Variants in MAP2K2 observed in about 807,000 individuals in gnomAD.
The protein encoded by MAP2K2 is dual specificity mitogen-activated protein kinase kinase 2.
In MAP2K2, 24 loss-of-function variants were observed where a neutral mutation model predicts 43.7. That is an observed-to-expected ratio of 0.55 (90% CI 0.40 to 0.77). MAP2K2 has a LOEUF of 0.77. Among genes scored for constraint, MAP2K2 ranks in the 30% least tolerant of loss-of-function variants. MAP2K2 has a pLI of 0.00. For missense variants in MAP2K2, 470 were observed against 566.8 expected (o/e 0.83, Z 1.73); for synonymous variants, 244 against 239.7 (o/e 1.02, Z -0.17).
chr19:4,106,475 C>T (rs942294207), intron 3 of MAP2K2, among the ~76,000 whole-genome samples: 2 of 152,320 alleles, frequency 1.3e-5, no homozygotes, highest in African/African-American at 4.8e-5. Context: ...GTGGCATGAT[C>T]TCGGCTCACT....
At chr19:4,093,560 G>A (rs554833526) in intron 10 of MAP2K2, among the ~76,000 whole-genome samples, 9 of 151,908 alleles carry the variant, frequency 5.9e-5, no homozygotes, top group South Asian at 2.1e-4. Context: ...GTGTGGTGGC[G>A]GGTGCCTGTA....
intron 8 of MAP2K2, among the ~76,000 whole-genome samples, chr19:4,096,545 G>C (rs978276757): frequency 2.0e-5 from 3 of 152,186 alleles, no homozygotes; most frequent in African/African-American, 4.8e-5. Flanking sequence ...TACTCATCTG[G>C]GCGGTGGAAA....
chr19:4,100,342 A>C (rs906734835), intron 6 of MAP2K2: 2 of 146,010 alleles, frequency 1.4e-5, no homozygotes, highest in Non-Finnish European at 3.0e-5. Flanking sequence ...AGGCAGGAGA[A>C]TTGCTCCCGG....
At chr19:4,095,805 C>T (rs949709773) in intron 8 of MAP2K2, among the ~76,000 whole-genome samples, 5 of 152,318 alleles carry the variant, frequency 3.3e-5, no homozygotes, top group African/African-American at 9.6e-5. Flanking sequence ...GAGACAGTCT[C>T]GCTCTGTTGC....
chr19:4,120,776 C>A (rs188265246), intron 1 of MAP2K2, among the ~76,000 whole-genome samples: 6 of 152,178 alleles, frequency 3.9e-5, no homozygotes, highest in Non-Finnish European at 7.3e-5. Flanking sequence ...GTCCCTACAG[C>A]CAGCTTCCTC....
chr19:4,123,025 C>T (rs769405841), intron 1 of MAP2K2, among the ~76,000 whole-genome samples: 5 of 150,338 alleles, frequency 3.3e-5, no homozygotes, highest in Non-Finnish European at 7.4e-5. Flanking sequence ...ATCCTCTCCT[C>T]TCAGGAATGC....
chr19:4,123,455 C>G (rs1044730505), intron 1 of MAP2K2, among the ~76,000 whole-genome samples: 1 of 152,038 alleles, frequency 6.6e-6, no homozygotes, highest in Non-Finnish European at 1.5e-5. Context: ...TTCAGGAACC[C>G]CACACCCCAT....
chr19:4,118,686 G>C (rs551608796), intron 1 of MAP2K2, among the ~76,000 whole-genome samples: 1 of 152,208 alleles, frequency 6.6e-6, no homozygotes, highest in Non-Finnish European at 1.5e-5. Flanking sequence ...TGTAGTTCTA[G>C]TTACTCAGGA....
Position 4,099,423 on chromosome 19 carries a change from G to A in MAP2K2, c.706-9C>T, listed in dbSNP as rs1448863495. 5.7e-6 allele frequency: 9 copies of A among 1,590,848 alleles called. No individual in the cohort carries two copies. Among genetic ancestry groups the A allele is most frequent in the Non-Finnish European group, 7.7e-6 (9 of 1,168,700 alleles). ...CCCTGCAACCGCTCCGGCTGCAGCA[G>A]AGCCAGGGAGGAAAGAGCCCAGAGG... On this transcript the variant is annotated splice_polypyrimidine_tract_variant and intron_variant, in intron 6 of 10. Coordinates refer to ENST00000262948, the MANE Select transcript of MAP2K2 (RefSeq NM_030662.4).
At position 4,099,076 on chromosome 19, in the gene MAP2K2, CG is replaced by C. The variant is rs2040961352; in HGVS notation, c.919+124del. 5.0e-6 allele frequency: 4 copies of C among 804,632 alleles called. No individual in the cohort carries two copies. In the Admixed American group the frequency reaches 9.1e-5, roughly 18 times the overall value. The allele number at this position is 804,632 out of a possible 1,614,324, so 49.8% of individuals were successfully genotyped here. ...CCATGGGAGGACTGCTGACCACAGTCGGCACCATCCAGGGGGACAGGTGGTG... is the reference window on the plus strand; with the variant it reads ...CCATGGGAGGACTGCTGACCACAGTCGCACCATCCAGGGGGACAGGTGGTG... On this transcript the variant is annotated intron_variant, in intron 7 of 10. Transcript: ENST00000262948.
At chr19:4,121,242 G>GCC (rs1415022502) in intron 1 of MAP2K2, among the ~76,000 whole-genome samples, 2 of 151,722 alleles carry the variant, frequency 1.3e-5, no homozygotes, top group African/African-American at 4.9e-5. Flanking sequence ...GCCTCTGGTC[G>GCC]CCCTCCACCT....
At chr19:4,096,214 G>A (rs350914) in intron 8 of MAP2K2, among the ~76,000 whole-genome samples, 49,315 of 152,152 alleles carry the variant, frequency 0.32, 9,880 homozygotes, top group East Asian at 0.65. Flanking sequence ...GGGAAGAGGC[G>A]GGGGAGAGGT....
chr19:4,097,359 G>A lies in MAP2K2; in HGVS notation c.920-16C>T, dbSNP rs573053900. On this transcript the variant is annotated splice_polypyrimidine_tract_variant and intron_variant, in intron 7 of 10. Coordinates refer to ENST00000262948, the MANE Select transcript of MAP2K2 (RefSeq NM_030662.4). ...ATCCCGTGACCTGCACAGGGAGAGA[G>A]ATGGAGGTGAGATGGGCCGATGGCC... is the stretch of plus-strand genomic sequence containing the variant. 6.2e-7 allele frequency: 1 copy of A among 1,608,476 alleles called. No homozygotes were observed. Among genetic ancestry groups the A allele is most frequent in the East Asian group, 2.2e-5 (1 of 44,852 alleles).
intron 9 of MAP2K2, chr19:4,094,957 T>C: frequency 2.8e-6 from 1 of 352,544 alleles, no homozygotes. Context: ...CCCCGTGGTC[T>C]GCGGCACATG....
intron 3 of MAP2K2, among the ~76,000 whole-genome samples, chr19:4,106,016 G>A (rs2041081740): frequency 6.6e-6 from 1 of 152,200 alleles, no homozygotes; most frequent in Admixed American, 6.5e-5. Flanking sequence ...TGCCCAGGCT[G>A]TAGAGCAGTG....
chr19:4,109,779 T>C lies in MAP2K2; in HGVS notation c.450+730A>G, dbSNP rs979792731. Among the ~76,000 whole-genome samples the C allele has an allele frequency of 3.9e-5, 6 of 152,030 alleles. No individual in the cohort carries two copies. The East Asian group carries it at 5.8e-4, about 15-fold the overall frequency. Reference sequence around the variant, plus strand: ...GCATGAGCCACCGTGCCCGGCCTAATAGGGATCAGTTTTTAATTGCATCTA... The same window carrying C: ...GCATGAGCCACCGTGCCCGGCCTAACAGGGATCAGTTTTTAATTGCATCTA... On this transcript the variant is annotated intron_variant, in intron 3 of 10. Coordinates refer to ENST00000262948, the MANE Select transcript of MAP2K2 (RefSeq NM_030662.4).
intron 3 of MAP2K2, 90 bp from the exon 4 acceptor site, chr19:4,102,543 C>T: frequency 5.5e-6 from 6 of 1,082,602 alleles, no homozygotes; most frequent in African/African-American, 1.5e-5. Context: ...AGGGGGTGGT[C>T]TGCCTCCTGA....
At chr19:4,107,499 G>A (rs977857467) in intron 3 of MAP2K2, among the ~76,000 whole-genome samples, 9 of 145,450 alleles carry the variant, frequency 6.2e-5, no homozygotes, top group African/African-American at 2.3e-4. Context: ...ACTCCAGCCT[G>A]GGCGACAGAG....
At chr19:4,123,553 GC>G (rs2041328065) in intron 1 of MAP2K2, among the ~76,000 whole-genome samples, 3 of 71,622 alleles carry the variant, frequency 4.2e-5, no homozygotes, top group Non-Finnish European at 8.4e-5. Context: ...TCCTCCGAGG[GC>G]CCCCTGCCCC....
Sources: allele counts gnomAD v4.1 joint callset (sites outside exome capture counted in the v4.1 genomes callset), GRCh38; gene constraint gnomAD v4.1.1; transcripts MANE v1.5; gene names NCBI Gene and HGNC (gene_info 2026-07-23, HGNC 2026-07-21).